PLPPR1: variants seen among roughly 807,000 people sequenced by gnomAD.
The protein encoded by PLPPR1 is phospholipid phosphatase related 1, also known as phospholipid phosphatase-related protein type 1.
A neutral mutation model predicts 33.1 loss-of-function variants in PLPPR1; 10 were observed. The ratio of observed to expected loss-of-function variants is 0.30; its 90% confidence interval spans 0.19 to 0.51. The LOEUF (loss-of-function observed/expected upper bound fraction) is 0.51, where lower values mean the gene tolerates loss of function less well. Ranked by LOEUF, PLPPR1 falls within the 20% of genes least tolerant of loss-of-function variation. The pLI, the probability that PLPPR1 is intolerant of heterozygous loss-of-function variation, is 0.97. For synonymous variants in PLPPR1, 151 were observed against 151.0 expected (o/e 1.00, Z 0.00); for missense variants, 304 against 408.1 (o/e 0.74, Z 2.20).
chr9:101,138,230 A>G (rs989575271), intron 1 of PLPPR1, among the ~76,000 whole-genome samples: 2 of 152,148 alleles, frequency 1.3e-5, no homozygotes, highest in African/African-American at 2.4e-5. Context: ...CTGTGCCTCA[A>G]TTTCCTCATT....
chr9:101,088,947 G>A (rs560797203), intron 1 of PLPPR1, among the ~76,000 whole-genome samples: 1 of 152,280 alleles, frequency 6.6e-6, no homozygotes, highest in African/African-American at 2.4e-5. Flanking sequence ...ATCCTGGAAT[G>A]TTAGTACTCA....
At chr9:101,136,931 ATAAT>A (rs1831384781) in intron 1 of PLPPR1, among the ~76,000 whole-genome samples, 1 of 152,228 alleles carries the variant, frequency 6.6e-6, no homozygotes. Context: ...ATTTTATATA[ATAAT>A]TTATTGTACA....
At chr9:101,067,924 A>G (rs1830438283) in intron 1 of PLPPR1, among the ~76,000 whole-genome samples, 1 of 152,056 alleles carries the variant, frequency 6.6e-6, no homozygotes, top group Non-Finnish European at 1.5e-5. Flanking sequence ...TTAAGTGAGG[A>G]ATAACAGTAC....
At chr9:101,188,807 A>G in intron 2 of PLPPR1, among the ~76,000 whole-genome samples, 1 of 152,052 alleles carries the variant, frequency 6.6e-6, no homozygotes. Context: ...TAGCTCCATG[A>G]TTCTCTTAAA....
intron 2 of PLPPR1, among the ~76,000 whole-genome samples, chr9:101,203,707 CTATA>C (rs1826534564): frequency 2.0e-5 from 1 of 49,996 alleles, no homozygotes; most frequent in South Asian, 3.7e-4. Context: ...CATTATATAT[CTATA>C]TACACATTAT....
At chr9:101,175,554 A>G (rs1202762328) in intron 1 of PLPPR1, among the ~76,000 whole-genome samples, 2 of 152,144 alleles carry the variant, frequency 1.3e-5, no homozygotes, top group African/African-American at 2.4e-5. Context: ...ATAAGTGCCT[A>G]TGATACATTG....
intron 2 of PLPPR1, among the ~76,000 whole-genome samples, chr9:101,211,670 G>A (rs1826693165): frequency 6.6e-6 from 1 of 152,168 alleles, no homozygotes; most frequent in African/African-American, 2.4e-5. Flanking sequence ...GTCCCTCTCT[G>A]TGACTTCAGT....
At chr9:101,161,126 G>A (rs1484238880) in intron 1 of PLPPR1, among the ~76,000 whole-genome samples, 1 of 152,146 alleles carries the variant, frequency 6.6e-6, no homozygotes, top group Admixed American at 6.6e-5. Flanking sequence ...AACATTGTCA[G>A]CTGAATATAA....
intron 1 of PLPPR1, among the ~76,000 whole-genome samples, chr9:101,099,822 A>C (rs1830873316): frequency 6.6e-6 from 1 of 152,126 alleles, no homozygotes; most frequent in African/African-American, 2.4e-5. Context: ...CACTAAATAA[A>C]TATGGCTCAC....
intron 1 of PLPPR1, among the ~76,000 whole-genome samples, chr9:101,037,417 G>A (rs1830022390): frequency 6.6e-6 from 1 of 152,092 alleles, no homozygotes; most frequent in Non-Finnish European, 1.5e-5. Flanking sequence ...GAAGGGTAAT[G>A]TGTTTGCATG....
At chr9:101,260,374 A>T (rs569752439) in intron 2 of PLPPR1, among the ~76,000 whole-genome samples, 1 of 152,274 alleles carries the variant, frequency 6.6e-6, no homozygotes, top group East Asian at 1.9e-4. Context: ...CAAAGGCAGC[A>T]AAAGCAGGTT....
At chr9:101,124,779 A>C (rs959909210) in intron 1 of PLPPR1, among the ~76,000 whole-genome samples, 3 of 152,098 alleles carry the variant, frequency 2.0e-5, no homozygotes, top group African/African-American at 7.2e-5. Context: ...ACTCAAGTAA[A>C]TCCTCTTCCC....
At chr9:101,266,028 GA>G (rs1827986580) in intron 2 of PLPPR1, among the ~76,000 whole-genome samples, 1 of 151,928 alleles carries the variant, frequency 6.6e-6, no homozygotes, top group South Asian at 2.1e-4. Flanking sequence ...ATGTTCAATA[GA>G]AAATCAACTA....
At chr9:101,218,343 GGAAGAAAC>G (rs1826848956) in intron 2 of PLPPR1, among the ~76,000 whole-genome samples, 1 of 152,072 alleles carries the variant, frequency 6.6e-6, no homozygotes, top group Non-Finnish European at 1.5e-5. Context: ...GATAAATATT[GGAAGAAAC>G]CACAGAGGAA....
At chr9:101,097,207 A>T (rs1207470682) in intron 1 of PLPPR1, among the ~76,000 whole-genome samples, 4 of 152,320 alleles carry the variant, frequency 2.6e-5, no homozygotes, top group Non-Finnish European at 5.9e-5. Flanking sequence ...CAGCAGATTA[A>T]GGGTGAGGTT....
At chr9:101,112,679 A>C (rs1831071407) in intron 1 of PLPPR1, among the ~76,000 whole-genome samples, 1 of 152,184 alleles carries the variant, frequency 6.6e-6, no homozygotes, top group South Asian at 2.1e-4. Context: ...CACTTTGGGG[A>C]AATGTGGGAA....
chr9:101,150,074 T>C (rs997780408), intron 1 of PLPPR1, among the ~76,000 whole-genome samples: 2 of 152,132 alleles, frequency 1.3e-5, no homozygotes, highest in African/African-American at 4.8e-5. Context: ...TATGTGCTTT[T>C]AATGGGACTT....
At chr9:101,137,340 A>G (rs903024905) in intron 1 of PLPPR1, among the ~76,000 whole-genome samples, 14 of 152,244 alleles carry the variant, frequency 9.2e-5, no homozygotes, top group African/African-American at 3.4e-4. Flanking sequence ...AAAGAAAGTC[A>G]GGGAGGAGAA....
chr9:101,323,452 C>T (rs1254846308), intron 7 of PLPPR1, among the ~76,000 whole-genome samples: 2 of 121,870 alleles, frequency 1.6e-5, no homozygotes, highest in African/African-American at 6.3e-5. Flanking sequence ...GCCTGGGTGA[C>T]AGAGTAAACC....
Sources: gnomAD v4.1 joint callset for allele counts (sites outside exome capture counted in the v4.1 genomes callset) on GRCh38, gnomAD v4.1.1 for gene constraint, MANE v1.5 for transcripts, NCBI Gene and HGNC (gene_info 2026-07-23, HGNC 2026-07-21) for gene names.